KLF13: variants seen among roughly 807,000 people sequenced by gnomAD.
KLF13 encodes the protein KLF transcription factor 13.
In KLF13, 8 loss-of-function variants were observed where a neutral mutation model predicts 16.7. That is an observed-to-expected ratio of 0.48 (90% CI 0.28 to 0.87). KLF13 has a LOEUF of 0.87. Ranked by LOEUF, KLF13 falls within the 40% of genes least tolerant of loss-of-function variation. KLF13 has a pLI of 0.10. For synonymous variants in KLF13, 245 were observed against 208.4 expected (o/e 1.18, Z -1.51); for missense variants, 447 against 452.2 (o/e 0.99, Z 0.10).
At chr15:31,345,096 G>A (rs1000796694) in intron 1 of KLF13, among the ~76,000 whole-genome samples, 2 of 152,236 alleles carry the variant, frequency 1.3e-5, no homozygotes, top group South Asian at 2.1e-4. Flanking sequence ...AGCAGGTGGG[G>A]GTTGGGTCTG....
At chr15:31,405,824 A>C (rs1451499199), downstream of KLF13, among the ~76,000 whole-genome samples, 6 of 152,200 alleles carry the variant, frequency 3.9e-5, no homozygotes, top group African/African-American at 1.2e-4. Flanking sequence ...TGTGTACATG[A>C]TAGGCAAACA....
chr15:31,401,155 C>G (rs1297513214), intron 2 of KLF13, among the ~76,000 whole-genome samples: 4 of 152,166 alleles, frequency 2.6e-5, no homozygotes, highest in Non-Finnish European at 1.5e-5. Flanking sequence ...CATGCGCCAC[C>G]ACGCCCAGCT....
chr15:31,385,611 A>C (rs575085623), intron 1 of KLF13, among the ~76,000 whole-genome samples: 2 of 152,274 alleles, frequency 1.3e-5, no homozygotes, highest in Middle Eastern at 3.4e-3. Context: ...CTTTGATGTT[A>C]CTCTTGTAAT....
At chr15:31,414,231 G>GA (rs1431155044) in intron 1 of KLF13, among the ~76,000 whole-genome samples, 1 of 151,798 alleles carries the variant, frequency 6.6e-6, no homozygotes, top group Non-Finnish European at 1.5e-5. Context: ...AATATAGTGG[G>GA]AAAAATCCTA....
intron 1 of KLF13, among the ~76,000 whole-genome samples, chr15:31,409,888 C>A (rs2040171111): frequency 6.6e-6 from 1 of 152,106 alleles, no homozygotes; most frequent in African/African-American, 2.4e-5. Flanking sequence ...GGAATTTCTT[C>A]TGGCAGAAAA....
rs758781501 is a variant in KLF13 at position 31,372,211 on chromosome 15, G to A, written c.779G>A (p.Arg260His). Reference sequence around the variant, plus strand: ...TTCCACCCGGGAATGCTGCAGCGGCGCGGCGGGGGCTCGCGGACCGGCTCC... The same window carrying A: ...TTCCACCCGGGAATGCTGCAGCGGCACGGCGGGGGCTCGCGGACCGGCTCC... Reference protein sequence around the residue: ...ANFHPGMLQRRGGGSRTGSLS... With the variant: ...ANFHPGMLQRHGGGSRTGSLS... The change falls in exon 2 of 2, where the codon CGC becomes CAC. Residue 260 changes from arginine to histidine, a missense_variant. This residue lies in a region of KLF13 where 88 missense variants were observed against 169.5 expected (regional missense o/e 0.52). Coordinates refer to ENST00000307145, the MANE Select transcript of KLF13 (RefSeq NM_015995.4). 12 of 1,602,182 alleles carry A rather than the reference G, an allele frequency of 7.5e-6. No individual in the cohort carries two copies. Among genetic ancestry groups the A allele is most frequent in the East Asian group, 2.2e-5 (1 of 44,630 alleles).
chr15:31,356,042 T>G (rs2039295816), intron 1 of KLF13, among the ~76,000 whole-genome samples: 1 of 151,996 alleles, frequency 6.6e-6, no homozygotes, highest in African/African-American at 2.4e-5. Context: ...CCTTCTGACT[T>G]TTATTTTAGG....
intron 2 of KLF13, among the ~76,000 whole-genome samples, chr15:31,398,427 C>T (rs1053155587): frequency 1.3e-5 from 2 of 152,186 alleles, no homozygotes; most frequent in Admixed American, 6.5e-5. Context: ...GGGAGCAGAG[C>T]GTGGTGGGCA....
chr15:31,433,451 G>C (rs1324007330), intron 1 of KLF13, among the ~76,000 whole-genome samples: 1 of 152,064 alleles, frequency 6.6e-6, no homozygotes, highest in Admixed American at 6.6e-5. Context: ...GGTCTCCCTG[G>C]GCTGTCAGCT....
chr15:31,334,290 A>G (rs2038888919), intron 1 of KLF13, among the ~76,000 whole-genome samples: 1 of 152,232 alleles, frequency 6.6e-6, no homozygotes, highest in Non-Finnish European at 1.5e-5. Flanking sequence ...CTGTGGCCAC[A>G]GGCAGCCTGT....
At chr15:31,367,312 A>T (rs2039489927) in intron 1 of KLF13, among the ~76,000 whole-genome samples, 1 of 152,176 alleles carries the variant, frequency 6.6e-6, no homozygotes, top group Non-Finnish European at 1.5e-5. Flanking sequence ...AGGAGCAGAG[A>T]ATGGAGCCGT....
chr15:31,330,620 C>T (rs1423850938), intron 1 of KLF13, among the ~76,000 whole-genome samples: 3 of 152,208 alleles, frequency 2.0e-5, no homozygotes, highest in Admixed American at 1.3e-4. Context: ...TGATTTTCCA[C>T]CCCCACTCTC....
chr15:31,345,168 G>A (rs562475317), intron 1 of KLF13, among the ~76,000 whole-genome samples: 1 of 152,356 alleles, frequency 6.6e-6, no homozygotes, highest in East Asian at 1.9e-4. Context: ...CAGGAGAGGA[G>A]CAGGACAGAT....
Position 31,374,484 on chromosome 15 carries a change from A to G in KLF13, c.*2185A>G, listed in dbSNP as rs1172014187. 1.3e-5 allele frequency: 2 copies of G among 152,536 alleles called. No individual in the cohort carries two copies. The highest frequency in any genetic ancestry group is 2.4e-5 in the African/African-American group (1 of 41,418). 9.4% of individuals were successfully genotyped at this position (152,536 alleles called of 1,614,324 possible). ...GAGAGCCCTGGGTGCTTGTGGTGCA[A>G]AGATCTTCATGCCCAGTTCCAAAGT... On this transcript the variant is annotated 3_prime_UTR_variant, in exon 2 of 2. Coordinates refer to ENST00000307145, the MANE Select transcript of KLF13 (RefSeq NM_015995.4).
chr15:31,335,211 T>C (rs1407238507), intron 1 of KLF13, among the ~76,000 whole-genome samples: 2 of 152,104 alleles, frequency 1.3e-5, no homozygotes, highest in African/African-American at 4.8e-5. Flanking sequence ...TCCGTCTTCA[T>C]CCCCAGCAAA....
chr15:31,397,744 C>A (rs747129271), intron 2 of KLF13, among the ~76,000 whole-genome samples: 17 of 152,104 alleles, frequency 1.1e-4, no homozygotes, highest in Non-Finnish European at 2.4e-4. Context: ...CAACCATACC[C>A]AGTGGCCAGC....
At chr15:31,385,007 T>C (rs953443098) in intron 1 of KLF13, among the ~76,000 whole-genome samples, 4 of 152,122 alleles carry the variant, frequency 2.6e-5, no homozygotes, top group Middle Eastern at 3.2e-3. Context: ...GTGGATCTCA[T>C]GATTTCATAA....
intron 2 of KLF13, among the ~76,000 whole-genome samples, chr15:31,396,529 A>G (rs543208115): frequency 1.2e-4 from 19 of 152,242 alleles, no homozygotes; most frequent in African/African-American, 4.6e-4. Context: ...TCAGTGATGA[A>G]ATCTTAGGGA....
chr15:31,433,577 G>A (rs1170840216), intron 1 of KLF13, among the ~76,000 whole-genome samples: 1 of 152,138 alleles, frequency 6.6e-6, no homozygotes, highest in Admixed American at 6.5e-5. Flanking sequence ...GACTGTTGAA[G>A]AACTCACCTG....
Sources: allele counts gnomAD v4.1 joint callset (sites outside exome capture counted in the v4.1 genomes callset), GRCh38; gene constraint gnomAD v4.1.1; regional missense constraint gnomAD v4.1.1; transcripts MANE v1.5; gene names NCBI Gene and HGNC (gene_info 2026-07-23, HGNC 2026-07-21).